The following NMNAT3 variants were observed in gnomAD, a reference collection of about 807,000 sequenced individuals.
NMNAT3 encodes nicotinamide nucleotide adenylyltransferase 3.
NMNAT3 carries 21 observed loss-of-function variants against 24.8 expected under a neutral mutation model. That is an observed-to-expected ratio of 0.85 (90% CI 0.60 to 1.22). NMNAT3 has a LOEUF of 1.22. Among genes scored for constraint, NMNAT3 ranks in the 50% most tolerant of loss-of-function variants. NMNAT3 has a pLI of 0.00. For synonymous variants in NMNAT3, 136 were observed against 155.2 expected (o/e 0.88, Z 0.92); for missense variants, 387 against 436.6 (o/e 0.89, Z 1.01).
intron 3 of NMNAT3, among the ~76,000 whole-genome samples, chr3:139,600,200 T>G (rs1202175844): frequency 6.6e-6 from 1 of 152,226 alleles, no homozygotes; most frequent in East Asian, 1.9e-4. Context: ...TATTTCCAAA[T>G]GTCCTGCTTT....
chr3:139,610,219 C>A (rs2055145004), intron 3 of NMNAT3, among the ~76,000 whole-genome samples: 1 of 152,102 alleles, frequency 6.6e-6, no homozygotes, highest in Admixed American at 6.5e-5. Flanking sequence ...CTGCAAAGTG[C>A]TGTTTATCCC....
chr3:139,622,578 CA>C (rs1210110703), intron 3 of NMNAT3, among the ~76,000 whole-genome samples: 6 of 150,508 alleles, frequency 4.0e-5, no homozygotes, highest in Non-Finnish European at 7.4e-5. Flanking sequence ...ACTAAAAATA[CA>C]AAAAAATCAG....
chr3:139,591,461 C>T (rs903516198), intron 3 of NMNAT3, among the ~76,000 whole-genome samples: 8 of 152,112 alleles, frequency 5.3e-5, no homozygotes, highest in African/African-American at 1.9e-4. Flanking sequence ...CTGGGTGGAG[C>T]CCACCACAGC....
At chr3:139,668,287 C>T (rs1050333160) in intron 1 of NMNAT3, among the ~76,000 whole-genome samples, 3 of 152,150 alleles carry the variant, frequency 2.0e-5, no homozygotes, top group Admixed American at 1.3e-4. Context: ...ATGTGAAGGT[C>T]GCTGGTGACC....
intron 1 of NMNAT3, among the ~76,000 whole-genome samples, chr3:139,642,090 G>A (rs759002925): frequency 3.9e-5 from 6 of 152,180 alleles, no homozygotes; most frequent in Non-Finnish European, 7.4e-5. Flanking sequence ...CCCTCCCCTG[G>A]ACACTGTGGT....
intron 1 of NMNAT3, among the ~76,000 whole-genome samples, chr3:139,663,324 C>T (rs778453433): frequency 6.6e-6 from 1 of 152,210 alleles, no homozygotes; most frequent in Non-Finnish European, 1.5e-5. Context: ...CCAGGATATT[C>T]TCCTTATTTT....
At chr3:139,597,008 AC>A (rs567005235) in intron 3 of NMNAT3, among the ~76,000 whole-genome samples, 53 of 145,758 alleles carry the variant, frequency 3.6e-4, no homozygotes, top group African/African-American at 1.3e-3. Flanking sequence ...GAAATCCCAT[AC>A]TTTGATTGGT....
chr3:139,613,023 T>TAA (rs2055304056), intron 3 of NMNAT3, among the ~76,000 whole-genome samples: 1 of 152,110 alleles, frequency 6.6e-6, no homozygotes, highest in Non-Finnish European at 1.5e-5. Flanking sequence ...TCTAAAACCA[T>TAA]AAAAACCCTA....
intron 1 of NMNAT3, among the ~76,000 whole-genome samples, chr3:139,642,020 T>G (rs979851219): frequency 6.6e-5 from 10 of 152,166 alleles, no homozygotes; most frequent in Non-Finnish European, 1.3e-4. Context: ...TCAGGAAATA[T>G]TCTCCCAGAT....
chr3:139,630,742 C>G (rs561594378), intron 2 of NMNAT3, among the ~76,000 whole-genome samples: 3 of 152,174 alleles, frequency 2.0e-5, no homozygotes, highest in Non-Finnish European at 4.4e-5. Flanking sequence ...AGGAATACCC[C>G]CAACTGTGTG....
chr3:139,627,762 C>T lies in NMNAT3; in HGVS notation c.-38G>A. 1.5e-6 allele frequency: 2 copies of T among 1,300,450 alleles called. No homozygotes were observed. Among genetic ancestry groups the T allele is most frequent in the South Asian group, 1.3e-5 (1 of 75,432 alleles). 80.6% of individuals were successfully genotyped at this position (1,300,450 alleles called of 1,614,324 possible). ...ATCCACACCTGTTGCAGTGGCCACC[C>T]TGCTTTTATGGGGACAAAAGCTCAT... is the stretch of plus-strand genomic sequence containing the variant. On this transcript the variant is annotated splice_region_variant and 5_prime_UTR_variant, in exon 3 of 7. Transcript: ENST00000643695.
intron 6 of NMNAT3, chr3:139,567,875 T>G (rs1484052669): frequency 6.6e-6 from 1 of 152,232 alleles, no homozygotes; most frequent in Non-Finnish European, 1.5e-5. Flanking sequence ...TAGGGAGGAT[T>G]CCCTCTTTTT....
chr3:139,611,228 T>C (rs2055199408), intron 3 of NMNAT3, among the ~76,000 whole-genome samples: 1 of 152,150 alleles, frequency 6.6e-6, no homozygotes, highest in African/African-American at 2.4e-5. Flanking sequence ...TGCATAGTTA[T>C]AAGAGTATTA....
At chr3:139,595,195 T>G (rs2054390786) in intron 3 of NMNAT3, among the ~76,000 whole-genome samples, 1 of 152,046 alleles carries the variant, frequency 6.6e-6, no homozygotes, top group Non-Finnish European at 1.5e-5. Context: ...AAATCATGAG[T>G]GAATTCCCAT....
intron 3 of NMNAT3, among the ~76,000 whole-genome samples, chr3:139,606,959 G>A (rs1214802851): frequency 1.3e-5 from 2 of 151,982 alleles, no homozygotes; most frequent in Admixed American, 6.6e-5. Context: ...AGAACTGCAA[G>A]ATGTTCAGGC....
At chr3:139,590,111 C>T (rs115779826) in intron 3 of NMNAT3, among the ~76,000 whole-genome samples, 4,002 of 152,186 alleles carry the variant, frequency 0.026, 189 homozygotes, top group African/African-American at 0.089. Flanking sequence ...AGACACAAAA[C>T]GGAACAGACA....
At chr3:139,602,078 T>G (rs535888185) in intron 3 of NMNAT3, among the ~76,000 whole-genome samples, 9 of 152,228 alleles carry the variant, frequency 5.9e-5, no homozygotes, top group Admixed American at 2.6e-4. Context: ...GTCCAAGATA[T>G]GCGGGGGATT....
chr3:139,577,083 A>C (rs1218326362), intron 5 of NMNAT3, among the ~76,000 whole-genome samples: 1 of 151,786 alleles, frequency 6.6e-6, no homozygotes, highest in Non-Finnish European at 1.5e-5. Context: ...TGGGCTAGCC[A>C]TGTATTGGAA....
intron 5 of NMNAT3, among the ~76,000 whole-genome samples, chr3:139,577,413 G>A (rs1315499241): frequency 6.6e-6 from 1 of 152,126 alleles, no homozygotes; most frequent in African/African-American, 2.4e-5. Flanking sequence ...CATTTTATTA[G>A]GTGAGAAATT....
Sources: gnomAD v4.1 joint callset for allele counts (sites outside exome capture counted in the v4.1 genomes callset) on GRCh38, gnomAD v4.1.1 for gene constraint, MANE v1.5 for transcripts, NCBI Gene and HGNC (gene_info 2026-07-23, HGNC 2026-07-21) for gene names.